Variants in OCA2 observed in about 807,000 individuals in gnomAD.
The protein encoded by OCA2 is P protein.
OCA2 carries 77 observed loss-of-function variants against 100.2 expected under a neutral mutation model. That is an observed-to-expected ratio of 0.77 (90% CI 0.64 to 0.93). The LOEUF is 0.93. Among genes scored for constraint, OCA2 ranks in the 40% least tolerant of loss-of-function variants. OCA2 has a pLI of 0.00. For synonymous variants in OCA2, 432 were observed against 439.2 expected (o/e 0.98, Z 0.21); for missense variants, 1,062 against 1,089.1 (o/e 0.98, Z 0.35).
chr15:28,092,248 A>G (rs888522244), intron 1 of OCA2, among the ~76,000 whole-genome samples: 7 of 152,250 alleles, frequency 4.6e-5, no homozygotes, highest in African/African-American at 1.7e-4. Flanking sequence ...AGGGAAATGA[A>G]GAACAAATGC....
intron 19 of OCA2, among the ~76,000 whole-genome samples, chr15:27,883,101 C>T (rs1252131367): frequency 1.3e-5 from 2 of 152,110 alleles, no homozygotes; most frequent in Admixed American, 6.5e-5. Flanking sequence ...GGTTTTCCCC[C>T]ACACTCCCTG....
intron 21 of OCA2, among the ~76,000 whole-genome samples, chr15:27,870,707 G>A (rs201184981): frequency 7.0e-5 from 2 of 28,414 alleles, no homozygotes; most frequent in African/African-American, 2.5e-4. Flanking sequence ...AAAGAAGGAA[G>A]GAAGGAAGGA....
At chr15:28,062,096 G>T (rs938659080) in intron 2 of OCA2, among the ~76,000 whole-genome samples, 1 of 152,228 alleles carries the variant, frequency 6.6e-6, no homozygotes, top group Non-Finnish European at 1.5e-5. Flanking sequence ...TAACAGAAAT[G>T]CTGTATCAAA....
chr15:27,864,060 G>A (rs886779075), intron 21 of OCA2, among the ~76,000 whole-genome samples: 3 of 152,076 alleles, frequency 2.0e-5, no homozygotes, highest in Non-Finnish European at 4.4e-5. Flanking sequence ...TCACTTCTGG[G>A]CCGGCAGTGC....
chr15:27,884,256 T>C (rs2037136628), intron 19 of OCA2, among the ~76,000 whole-genome samples: 1 of 152,204 alleles, frequency 6.6e-6, no homozygotes, highest in Non-Finnish European at 1.5e-5. Flanking sequence ...CGCAAGCCTG[T>C]AGTCCCAGCT....
intron 23 of OCA2, among the ~76,000 whole-genome samples, chr15:27,816,745 G>A (rs888071379): frequency 6.6e-5 from 10 of 151,944 alleles, no homozygotes; most frequent in East Asian, 1.9e-4. Context: ...AATATTCCCC[G>A]TAATCAGAAA....
intron 1 of OCA2, among the ~76,000 whole-genome samples, chr15:28,083,013 C>T (rs1478464866): frequency 6.6e-6 from 1 of 152,218 alleles, no homozygotes; most frequent in Non-Finnish European, 1.5e-5. Flanking sequence ...TCCAGGGTTG[C>T]TGGGAAGCCA....
intron 23 of OCA2, among the ~76,000 whole-genome samples, chr15:27,791,354 A>C (rs2033072137): frequency 6.6e-6 from 1 of 152,222 alleles, no homozygotes; most frequent in South Asian, 2.1e-4. Flanking sequence ...TATTGATGTA[A>C]GCAGCAACAT....
At chr15:28,063,921 G>C (rs1387521599) in intron 2 of OCA2, among the ~76,000 whole-genome samples, 1 of 152,046 alleles carries the variant, frequency 6.6e-6, no homozygotes, top group East Asian at 1.9e-4. Flanking sequence ...TTGAGATACT[G>C]TCTAGTGTGC....
chr15:27,838,237 G>A (rs958779819), intron 23 of OCA2, among the ~76,000 whole-genome samples: 1 of 152,228 alleles, frequency 6.6e-6, no homozygotes, highest in Admixed American at 6.5e-5. Flanking sequence ...AGCAGAAAAC[G>A]ACAAAACCAT....
chr15:27,821,836 C>T (rs1336371909), intron 23 of OCA2, among the ~76,000 whole-genome samples: 1 of 152,164 alleles, frequency 6.6e-6, no homozygotes, highest in Non-Finnish European at 1.5e-5. Flanking sequence ...ACCCAATACA[C>T]ATGCTCGCAT....
At chr15:27,739,041 G>A in the OCA2 span, among the ~76,000 whole-genome samples, 3 of 152,170 alleles carry the variant, frequency 2.0e-5, no homozygotes, top group South Asian at 4.1e-4. Context: ...ACTCAGTGGC[G>A]GAACCAGGGC....
At chr15:28,011,680 C>T (rs367592099) in intron 9 of OCA2, among the ~76,000 whole-genome samples, 3 of 149,902 alleles carry the variant, frequency 2.0e-5, no homozygotes, top group Admixed American at 2.0e-4. Context: ...CTTTGGGAGG[C>T]TGAAGTGGGT....
chr15:27,797,263 T>C (rs1317075274), intron 23 of OCA2, among the ~76,000 whole-genome samples: 1 of 151,976 alleles, frequency 6.6e-6, no homozygotes, highest in Non-Finnish European at 1.5e-5. Context: ...GACATCAGAG[T>C]CCTCAAGAAT....
At chr15:28,082,658 T>C (rs2044684117) in intron 1 of OCA2, among the ~76,000 whole-genome samples, 1 of 152,216 alleles carries the variant, frequency 6.6e-6, no homozygotes, top group South Asian at 2.1e-4. Flanking sequence ...GATGTTTTTA[T>C]TGAAATAAAT....
intron 19 of OCA2, among the ~76,000 whole-genome samples, chr15:27,889,769 C>T (rs568141090): frequency 6.6e-6 from 1 of 152,188 alleles, no homozygotes; most frequent in African/African-American, 2.4e-5. Flanking sequence ...TTTTGATGTA[C>T]CTGTTTGGTC....
At chr15:27,843,917 T>C (rs1372235647) in intron 23 of OCA2, among the ~76,000 whole-genome samples, 2 of 152,118 alleles carry the variant, frequency 1.3e-5, no homozygotes, top group Admixed American at 1.3e-4. Flanking sequence ...TCAACCAAAG[T>C]TGAGGTTCCA....
intron 21 of OCA2, among the ~76,000 whole-genome samples, chr15:27,869,154 A>C (rs973472278): frequency 6.6e-6 from 1 of 152,192 alleles, no homozygotes; most frequent in South Asian, 2.1e-4. Context: ...GGGGAGATGC[A>C]TGGGCTTTGA....
chr15:27,819,126 T>C (rs1270279852), intron 23 of OCA2, among the ~76,000 whole-genome samples: 2 of 152,236 alleles, frequency 1.3e-5, no homozygotes, highest in South Asian at 4.1e-4. Context: ...CCTCAGCTGT[T>C]CAATATGGTT....
Sources: gnomAD v4.1 joint callset for allele counts (sites outside exome capture counted in the v4.1 genomes callset) on GRCh38, gnomAD v4.1.1 for gene constraint, MANE v1.5 for transcripts, NCBI Gene and HGNC (gene_info 2026-07-23, HGNC 2026-07-21) for gene names.